Variants in ANKRD28 observed in about 807,000 individuals in gnomAD.
The protein encoded by ANKRD28 is serine/threonine-protein phosphatase 6 regulatory ankyrin repeat subunit A.
Under a neutral mutation model 126.5 loss-of-function variants are expected in ANKRD28, and 44 were observed. The observed-to-expected ratio is 0.35, with a 90% confidence interval of 0.27 to 0.45. ANKRD28 has a LOEUF of 0.45. Among genes scored for constraint, ANKRD28 ranks in the 20% least tolerant of loss-of-function variants. The probability of loss-of-function intolerance (pLI) is 1.00; values close to 1 mark genes in which losing one functional copy is unlikely to be tolerated. For synonymous variants in ANKRD28, 442 were observed against 468.5 expected, an observed-to-expected ratio of 0.94 and a Z score of 0.73; for missense variants, 1,110 against 1,316.6, an observed-to-expected ratio of 0.84 and a Z score of 2.43.
At chr3:15,828,702 C>G (rs1177348431) in intron 1 of ANKRD28, among the ~76,000 whole-genome samples, 1 of 151,996 alleles carries the variant, frequency 6.6e-6, no homozygotes, top group African/African-American at 2.4e-5. Context: ...AACCTAATCT[C>G]TGACAGATTT....
intron 8 of ANKRD28, among the ~76,000 whole-genome samples, chr3:15,716,281 C>CTT (rs373633047): frequency 3.4e-4 from 39 of 113,642 alleles, no homozygotes; most frequent in African/African-American, 9.0e-4. Context: ...CGCACCTGGA[C>CTT]TTTTTTTTTT....
intron 3 of ANKRD28, among the ~76,000 whole-genome samples, chr3:15,752,788 A>G (rs2057936522): frequency 6.6e-6 from 1 of 152,218 alleles, no homozygotes; most frequent in South Asian, 2.1e-4. Flanking sequence ...TAACGCTTAC[A>G]TTATTTCTAG....
At chr3:15,790,420 A>C (rs536299875) in intron 2 of ANKRD28, among the ~76,000 whole-genome samples, 2 of 152,212 alleles carry the variant, frequency 1.3e-5, no homozygotes, top group African/African-American at 4.8e-5. Flanking sequence ...TGAATTCAAC[A>C]ATATATTAGA....
intron 2 of ANKRD28, among the ~76,000 whole-genome samples, chr3:15,783,621 AC>A (rs1420264556): frequency 6.6e-6 from 1 of 152,072 alleles, no homozygotes; most frequent in East Asian, 1.9e-4. Context: ...CTAAATGTTT[AC>A]GAAAGGAGTG....
chr3:15,791,815 C>T (rs779922660), intron 2 of ANKRD28, among the ~76,000 whole-genome samples: 12 of 152,056 alleles, frequency 7.9e-5, no homozygotes, highest in Non-Finnish European at 1.2e-4. Flanking sequence ...AAGAGACAAC[C>T]CACAGAACGA....
At chr3:15,732,016 C>T (rs1269539293) in intron 6 of ANKRD28, 1 of 151,942 alleles carries the variant, frequency 6.6e-6, no homozygotes, top group African/African-American at 2.4e-5. Context: ...GCTACATGGT[C>T]TCTACAGTTT....
intron 1 of ANKRD28, among the ~76,000 whole-genome samples, chr3:15,857,979 G>A (rs1373048239): frequency 3.3e-5 from 5 of 152,176 alleles, no homozygotes; most frequent in Non-Finnish European, 7.4e-5. Context: ...AGTATAAGAT[G>A]CACGGACTGT....
chr3:15,844,148 G>A (rs1227099611), intron 1 of ANKRD28, among the ~76,000 whole-genome samples: 1 of 152,194 alleles, frequency 6.6e-6, no homozygotes, highest in Non-Finnish European at 1.5e-5. Flanking sequence ...ACAACACCCA[G>A]TCTGGACTGA....
intron 1 of ANKRD28, among the ~76,000 whole-genome samples, chr3:15,831,680 G>C (rs192740849): frequency 6.6e-6 from 1 of 152,152 alleles, no homozygotes; most frequent in African/African-American, 2.4e-5. Context: ...TTCACTTTTA[G>C]CTCTACCTTC....
chr3:15,733,434 A>G (rs1243782024), intron 6 of ANKRD28: 12 of 152,210 alleles, frequency 7.9e-5, no homozygotes. Context: ...TCCCAACTTC[A>G]TCATTTATCT....
intron 27 of ANKRD28, 146 bp downstream of exon 27, chr3:15,675,752 T>C: frequency 1.7e-6 from 1 of 604,440 alleles, no homozygotes; most frequent in Non-Finnish European, 2.6e-6. Flanking sequence ...TCTTTTGCCC[T>C]TATTCCTTTG....
chr3:15,672,676 T>A (rs948826741), intron 27 of ANKRD28, among the ~76,000 whole-genome samples: 1 of 152,222 alleles, frequency 6.6e-6, no homozygotes, highest in Non-Finnish European at 1.5e-5. Context: ...ACCCATTACA[T>A]AGGCCAGGAT....
chr3:15,827,024 A>T (rs2061081828), intron 1 of ANKRD28, among the ~76,000 whole-genome samples: 1 of 152,070 alleles, frequency 6.6e-6, no homozygotes, highest in Non-Finnish European at 1.5e-5. Flanking sequence ...TAAAAAGTTC[A>T]CTCTCTCATC....
intron 1 of ANKRD28, among the ~76,000 whole-genome samples, chr3:15,837,394 A>G (rs186316141): frequency 1.9e-4 from 29 of 152,338 alleles, no homozygotes; most frequent in Non-Finnish European, 3.5e-4. Flanking sequence ...CACATGCTAG[A>G]TCATAAAACA....
At chr3:15,844,206 GT>G (rs1040622776) in intron 1 of ANKRD28, among the ~76,000 whole-genome samples, 1 of 152,134 alleles carries the variant, frequency 6.6e-6, no homozygotes, top group Non-Finnish European at 1.5e-5. Context: ...AGTAATTAAA[GT>G]AGACTGGTCA....
At chr3:15,842,532 A>G (rs1449144820) in intron 1 of ANKRD28, among the ~76,000 whole-genome samples, 2 of 152,196 alleles carry the variant, frequency 1.3e-5, no homozygotes, top group African/African-American at 4.8e-5. Flanking sequence ...CATCAGGGTG[A>G]CTATAGTCAA....
intron 4 of ANKRD28, among the ~76,000 whole-genome samples, chr3:15,740,399 A>G (rs1264102618): frequency 6.6e-6 from 1 of 152,208 alleles, no homozygotes; most frequent in African/African-American, 2.4e-5. Context: ...AGGAATATGG[A>G]AAGAATACAT....
chr3:15,679,685 C>T, intron 21 of ANKRD28, 122 bp from the exon 22 acceptor site: 1 of 734,948 alleles, frequency 1.4e-6, no homozygotes, highest in Non-Finnish European at 2.2e-6. Context: ...CTCCCAGATC[C>T]CCTCTCTGGA....
chr3:15,796,658 A>T lies in ANKRD28; in HGVS notation c.-137T>A, dbSNP rs185819771. 4.5e-4 allele frequency: 248 copies of T among 545,464 alleles called. No individual in the cohort carries two copies. The highest frequency in any genetic ancestry group is 3.1e-3 in the African/African-American group (159 of 50,590). The allele number at this position is 545,464 out of a possible 1,614,324, so 33.8% of individuals were successfully genotyped here. ...GCACAGCTGGGTTTTTTTTTTTTTT[A>T]AAGTTAATAAGTACTACTGGAAAAA... On this transcript the variant is annotated 5_prime_UTR_variant, in exon 1 of 28. Transcript: ENST00000683139.
Sources: gnomAD v4.1 joint callset for allele counts (sites outside exome capture counted in the v4.1 genomes callset) on GRCh38, gnomAD v4.1.1 for gene constraint, MANE v1.5 for transcripts, NCBI Gene and HGNC (gene_info 2026-07-23, HGNC 2026-07-21) for gene names.